The following TNS3 variants were observed in gnomAD, a reference collection of about 807,000 sequenced individuals.
TNS3 encodes the protein tensin-3.
A neutral mutation model predicts 140.9 loss-of-function variants in TNS3; 45 were observed. The ratio of observed to expected loss-of-function variants is 0.32; its 90% confidence interval spans 0.25 to 0.41. The LOEUF (loss-of-function observed/expected upper bound fraction) is 0.41, where lower values mean the gene tolerates loss of function less well. Ranked by LOEUF, TNS3 falls within the 10% of genes least tolerant of loss-of-function variation. The probability of loss-of-function intolerance (pLI) is 1.00; values close to 1 mark genes in which losing one functional copy is unlikely to be tolerated. For synonymous variants in TNS3, 815 were observed against 788.4 expected (o/e 1.03, Z -0.56); for missense variants, 1,716 against 1,906.7 (o/e 0.90, Z 1.86).
chr7:47,444,958 G>A (rs546420499), intron 4 of TNS3, among the ~76,000 whole-genome samples: 48 of 152,236 alleles, frequency 3.2e-4, no homozygotes, highest in African/African-American at 8.7e-4. Flanking sequence ...TGAAGTGTTC[G>A]GAAATGCAGG....
At chr7:47,544,628 C>T (rs1799873466) in intron 1 of TNS3, among the ~76,000 whole-genome samples, 1 of 152,068 alleles carries the variant, frequency 6.6e-6, no homozygotes, top group Admixed American at 6.6e-5. Context: ...CAGCCTCCAA[C>T]TGTGATAGCT....
intron 4 of TNS3, among the ~76,000 whole-genome samples, chr7:47,452,626 G>A (rs924899285): frequency 1.3e-5 from 2 of 152,208 alleles, no homozygotes. Flanking sequence ...ACTGGCAGCA[G>A]GGAGAGGTAA....
intron 1 of TNS3, among the ~76,000 whole-genome samples, chr7:47,573,726 G>A (rs1800611108): frequency 6.6e-6 from 1 of 152,094 alleles, no homozygotes; most frequent in Non-Finnish European, 1.5e-5. Flanking sequence ...GCCCGGCCAG[G>A]GACCTCAAGT....
intron 11 of TNS3, 134 bp downstream of exon 11, chr7:47,414,960 C>T (rs1793993873): frequency 1.7e-5 from 11 of 660,084 alleles, no homozygotes; most frequent in Admixed American, 2.9e-5. Context: ...CCCAGTCAAT[C>T]GCCAGGGAGG....
intron 4 of TNS3, among the ~76,000 whole-genome samples, chr7:47,443,232 G>A (rs1289680424): frequency 2.0e-5 from 3 of 152,212 alleles, no homozygotes; most frequent in Non-Finnish European, 4.4e-5. Flanking sequence ...GACAGGGCCA[G>A]TCTCATGGAG....
intron 9 of TNS3, among the ~76,000 whole-genome samples, chr7:47,426,221 A>C (rs902381020): frequency 6.6e-6 from 1 of 152,074 alleles, no homozygotes; most frequent in African/African-American, 2.4e-5. Flanking sequence ...GGTGGAGGTT[A>C]CAGCGAACCA....
At chr7:47,578,915 G>T (rs1486443345) in intron 1 of TNS3, among the ~76,000 whole-genome samples, 1 of 152,168 alleles carries the variant, frequency 6.6e-6, no homozygotes, top group African/African-American at 2.4e-5. Flanking sequence ...CAATCTAGGA[G>T]AATTTAGTCC....
In TNS3 at chr7:47,276,207, C is replaced by T. The variant is rs990307763; in HGVS notation, c.*1869G>A. On this transcript the variant is annotated 3_prime_UTR_variant, in exon 31 of 31. Transcript: ENST00000311160. ...CCACCGCAAGTTAGAGAAGGAGGTC[C>T]ACAACGACCAAGGCAAACATTTGGC... 4.9e-6 allele frequency: 1 copy of T among 202,238 alleles called. No homozygotes were observed. Among genetic ancestry groups the T allele is most frequent in the African/African-American group, 2.3e-5 (1 of 42,720 alleles). The allele number at this position is 202,238 out of a possible 1,614,324, so 12.5% of individuals were successfully genotyped here.
At chr7:47,394,842 T>C (rs1015883893) in intron 16 of TNS3, among the ~76,000 whole-genome samples, 3 of 152,248 alleles carry the variant, frequency 2.0e-5, no homozygotes, top group Non-Finnish European at 4.4e-5. Flanking sequence ...AGTTCCCTGG[T>C]TGTGACATGG....
intron 1 of TNS3, among the ~76,000 whole-genome samples, chr7:47,576,670 G>A (rs1261068670): frequency 6.6e-6 from 1 of 152,226 alleles, no homozygotes; most frequent in African/African-American, 2.4e-5. Flanking sequence ...AGATGCCCCT[G>A]CTAATGGCCC....
chr7:47,507,162 T>C (rs1295201666), intron 2 of TNS3, among the ~76,000 whole-genome samples: 1 of 152,174 alleles, frequency 6.6e-6, no homozygotes, highest in African/African-American at 2.4e-5. Flanking sequence ...AACTGTTGTC[T>C]GTTAGCAACA....
chr7:47,478,869 A>G (rs1584745342), intron 4 of TNS3, among the ~76,000 whole-genome samples: 1 of 152,174 alleles, frequency 6.6e-6, no homozygotes, highest in East Asian at 1.9e-4. Flanking sequence ...ATGTCTATCC[A>G]TATACATGTA....
chr7:47,516,614 C>A (rs1034848569), intron 2 of TNS3, among the ~76,000 whole-genome samples: 1 of 152,192 alleles, frequency 6.6e-6, no homozygotes, highest in African/African-American at 2.4e-5. Context: ...AGCTCCAACT[C>A]AGTAAGCAGC....
At chr7:47,517,788 G>A (rs996344334) in intron 2 of TNS3, among the ~76,000 whole-genome samples, 1 of 152,112 alleles carries the variant, frequency 6.6e-6, no homozygotes, top group Non-Finnish European at 1.5e-5. Context: ...GGTGCAGCGG[G>A]AGCCTAAAGG....
At chr7:47,533,194 G>A (rs1369915734) in intron 1 of TNS3, among the ~76,000 whole-genome samples, 9 of 131,068 alleles carry the variant, frequency 6.9e-5, no homozygotes, top group Non-Finnish European at 1.1e-4. Context: ...GTACAGTGGC[G>A]CAATCTTGGC....
At chr7:47,456,559 A>T (rs985435912) in intron 4 of TNS3, among the ~76,000 whole-genome samples, 1 of 152,124 alleles carries the variant, frequency 6.6e-6, no homozygotes, top group Admixed American at 6.5e-5. Context: ...ATATTACATT[A>T]TTACTATTGG....
At chr7:47,563,478 AGACT>A (rs1800359155) in intron 1 of TNS3, among the ~76,000 whole-genome samples, 1 of 152,146 alleles carries the variant, frequency 6.6e-6, no homozygotes, top group Non-Finnish European at 1.5e-5. Context: ...CTCACTAGCA[AGACT>A]GAGTGCCCAA....
chr7:47,406,387 A>G (rs1793450392), intron 13 of TNS3, among the ~76,000 whole-genome samples: 2 of 152,328 alleles, frequency 1.3e-5, no homozygotes, highest in South Asian at 4.1e-4. Flanking sequence ...CACTTTCTGC[A>G]GTTAGACTTG....
chr7:47,320,669 A>G (rs1337615957), intron 20 of TNS3, among the ~76,000 whole-genome samples: 2 of 152,088 alleles, frequency 1.3e-5, no homozygotes, highest in Non-Finnish European at 2.9e-5. Flanking sequence ...ATGAGGGCTC[A>G]CCCTAAGGGA....
Sources: gnomAD v4.1 joint callset for allele counts (sites outside exome capture counted in the v4.1 genomes callset) on GRCh38, gnomAD v4.1.1 for gene constraint, MANE v1.5 for transcripts, NCBI Gene and HGNC (gene_info 2026-07-23, HGNC 2026-07-21) for gene names.